Variants in ACSF3 observed in about 807,000 individuals in gnomAD.
ACSF3 encodes malonate--CoA ligase ACSF3, mitochondrial.
Under a neutral mutation model 53.2 loss-of-function variants are expected in ACSF3, and 78 were observed. The observed-to-expected ratio is 1.47, with a 90% CI of 1.22 to 1.77. The LOEUF (loss-of-function observed/expected upper bound fraction) is 1.77, where lower values mean the gene tolerates loss of function less well. Among genes scored for constraint, ACSF3 ranks in the 40% most tolerant of loss-of-function variants. The pLI is 0.00. For synonymous variants in ACSF3, 414 were observed against 333.1 expected (o/e 1.24, Z -2.65); for missense variants, 937 against 771.1 (o/e 1.22, Z -2.55).
chr16:89,136,413 T>C lies in ACSF3; in HGVS notation c.1366+3151T>C, dbSNP rs915522750. ...TCGGGGGTAAGGCCTGGAAGCCGCA[T>C]GTCTTTGTCACAGGCCATTAGCGAT... On this transcript the variant is annotated intron_variant, in intron 8 of 10. Transcript: ENST00000614302. The C allele has an allele frequency of 6.9e-6, 6 of 870,662 alleles. No individual in the cohort carries two copies. The South Asian group carries it at 7.0e-5, about 10-fold the overall frequency. 53.9% of individuals were successfully genotyped at this position (870,662 alleles called of 1,614,324 possible). A position where few individuals can be genotyped will look rare whatever the true frequency, so the allele number is the denominator to read the frequency against.
rs74872979 is a variant in ACSF3 at position 89,096,644 on chromosome 16, A to G, written c.-193-1947A>G. On this transcript the variant is annotated intron_variant, in intron 1 of 10. Coordinates refer to ENST00000614302, the MANE Select transcript of ACSF3 (RefSeq NM_001243279.3). ...GAGGGGACTTTGTCAGTATTTCTCA[A>G]AATTAAAGATGACCCAGCAATGTGA... Among the ~76,000 whole-genome samples, 1,510 of 152,264 alleles carry G rather than the reference A, an allele frequency of 9.9e-3. 23 individuals carry two copies. Among genetic ancestry groups the G allele is most frequent in the African/African-American group, 0.035 (1,440 of 41,540 alleles).
intron 7 of ACSF3, among the ~76,000 whole-genome samples, chr16:89,130,252 C>T (rs1425569804): frequency 6.6e-6 from 1 of 152,144 alleles, no homozygotes; most frequent in Non-Finnish European, 1.5e-5. Flanking sequence ...TCTGGGTTGA[C>T]AACTATTTTC....
intron 7 of ACSF3, among the ~76,000 whole-genome samples, chr16:89,131,242 C>T (rs938055911): frequency 1.3e-5 from 2 of 148,564 alleles, no homozygotes; most frequent in African/African-American, 4.9e-5. Flanking sequence ...CCTCCTACCT[C>T]AGCCTCCCAA....
chr16:89,114,251 G>T (rs527334402), intron 5 of ACSF3, 88 bp from the exon 6 acceptor site: 6 of 1,585,038 alleles, frequency 3.8e-6, no homozygotes, highest in South Asian at 1.1e-5. Flanking sequence ...GCAAGCAAGG[G>T]CCGCCTCCTG....
chr16:89,153,318 T>G (rs954066963), intron 10 of ACSF3: 1 of 152,902 alleles, frequency 6.5e-6, no homozygotes, highest in African/African-American at 2.4e-5. Context: ...CTTTCCTCCC[T>G]TCTTTAATGG....
intron 7 of ACSF3, among the ~76,000 whole-genome samples, chr16:89,125,698 A>AAGAGAC (rs1555570980): frequency 2.7e-4 from 40 of 147,894 alleles, no homozygotes; most frequent in Admixed American, 2.5e-3. Flanking sequence ...CAAAAAAAAA[A>AAGAGAC]AGAGAGAGAG....
chr16:89,136,450 A>G (rs1910489297), intron 8 of ACSF3: 1 of 1,148,146 alleles, frequency 8.7e-7, no homozygotes, highest in Non-Finnish European at 1.1e-6. Flanking sequence ...CTGCTGCATA[A>G]TGAGAGCCTG....
intron 8 of ACSF3, among the ~76,000 whole-genome samples, chr16:89,142,830 C>T (rs28620202): frequency 1.3e-3 from 201 of 152,360 alleles, no homozygotes; most frequent in African/African-American, 4.7e-3. Context: ...CCTAAGGAGA[C>T]GGGGTCTCGC....
intron 7 of ACSF3, among the ~76,000 whole-genome samples, chr16:89,130,620 T>C (rs994464312): frequency 1.3e-5 from 2 of 152,154 alleles, no homozygotes; most frequent in Admixed American, 6.6e-5. Context: ...CCGGCCTCCA[T>C]TGTTTCCGTG....
At chr16:89,141,044 C>G (rs1295953392) in intron 8 of ACSF3, 1 of 1,255,150 alleles carries the variant, frequency 8.0e-7, no homozygotes, top group African/African-American at 1.5e-5. Flanking sequence ...GGTTATTTAA[C>G]TTGTTTGACT....
intron 10 of ACSF3, chr16:89,152,469 A>G (rs1236187819): frequency 1.3e-5 from 2 of 152,182 alleles, no homozygotes; most frequent in Non-Finnish European, 2.9e-5. Flanking sequence ...TTAGCCAGGC[A>G]TGGTGGTATG....
At chr16:89,130,915 G>A (rs914172845) in intron 7 of ACSF3, among the ~76,000 whole-genome samples, 1 of 151,880 alleles carries the variant, frequency 6.6e-6, no homozygotes, top group Non-Finnish European at 1.5e-5. Context: ...TCAGATTTTG[G>A]GTCATTTCTG....
At chr16:89,114,051 C>T (rs972539644) in intron 5 of ACSF3, 5 of 456,538 alleles carry the variant, frequency 1.1e-5, no homozygotes, top group East Asian at 9.2e-5. Flanking sequence ...GGGGACACCG[C>T]GGACCCTAAG....
In ACSF3 at chr16:89,155,064, C is replaced by T. The variant is rs766855883; in HGVS notation, c.*857C>T. On this transcript the variant is annotated 3_prime_UTR_variant, in exon 11 of 11. Transcript: ENST00000614302. ...CAGCTCCGGAGCCCACAGGCGTGGC[C>T]GATGCAGAAACCTCAGGAAGGTGTG... 101 of 453,970 alleles carry T rather than the reference C, an allele frequency of 2.2e-4. 2 individuals carry two copies. The highest frequency in any genetic ancestry group is 1.9e-4 in the Non-Finnish European group (42 of 226,804). The allele number at this position is 453,970 out of a possible 1,614,324, so 28.1% of individuals were successfully genotyped here.
intron 7 of ACSF3, among the ~76,000 whole-genome samples, chr16:89,126,102 A>C (rs1415231453): frequency 2.0e-5 from 3 of 152,214 alleles, no homozygotes; most frequent in Non-Finnish European, 2.9e-5. Context: ...GTGTCTCTCC[A>C]TTTAGATATA....
intron 8 of ACSF3, among the ~76,000 whole-genome samples, chr16:89,134,452 C>A (rs1413689801): frequency 1.3e-5 from 2 of 152,160 alleles, no homozygotes; most frequent in Admixed American, 1.3e-4. Flanking sequence ...ACAGTGGACA[C>A]CCTGCGGGAT....
At chr16:89,139,886 C>A (rs1911408013) in intron 8 of ACSF3, among the ~76,000 whole-genome samples, 1 of 152,170 alleles carries the variant, frequency 6.6e-6, no homozygotes, top group African/African-American at 2.4e-5. Context: ...AGCCACCGCA[C>A]CCAACCATGA....
chr16:89,122,443 G>C, intron 7 of ACSF3: 2 of 448,260 alleles, frequency 4.5e-6, no homozygotes, highest in Non-Finnish European at 4.5e-6. Context: ...CTGGTACTAG[G>C]CTGCTGGCCA....
intron 1 of ACSF3, among the ~76,000 whole-genome samples, chr16:89,094,854 C>G (rs1270718796): frequency 6.6e-6 from 1 of 152,216 alleles, no homozygotes; most frequent in Non-Finnish European, 1.5e-5. Context: ...ATGACAGCAC[C>G]ATTGCACTCC....
Sources: allele counts gnomAD v4.1 joint callset (sites outside exome capture counted in the v4.1 genomes callset), GRCh38; gene constraint gnomAD v4.1.1; transcripts MANE v1.5; gene names NCBI Gene and HGNC (gene_info 2026-07-23, HGNC 2026-07-21).